PDE1C: variants seen among roughly 807,000 people sequenced by gnomAD.
The protein encoded by PDE1C is dual specificity calcium/calmodulin-dependent 3',5'-cyclic nucleotide phosphodiesterase 1C.
Under a neutral mutation model 93.1 loss-of-function variants are expected in PDE1C, and 62 were observed. That is an observed-to-expected ratio of 0.67 (90% CI 0.54 to 0.82). The LOEUF is 0.82. PDE1C is among the 40% of genes least tolerant of loss of function. The pLI is 0.00. For missense variants in PDE1C, 742 were observed against 884.6 expected (o/e 0.84, Z 2.04); for synonymous variants, 325 against 310.1 (o/e 1.05, Z -0.50).
At chr7:31,838,714 A>G (rs934213666) in intron 9 of PDE1C, among the ~76,000 whole-genome samples, 4 of 151,998 alleles carry the variant, frequency 2.6e-5, no homozygotes, top group African/African-American at 7.3e-5. Flanking sequence ...CCTGCCAATC[A>G]CTGATCTTTT....
chr7:32,275,551 A>C (rs1811223874), intron 1 of PDE1C, among the ~76,000 whole-genome samples: 1 of 152,156 alleles, frequency 6.6e-6, no homozygotes, highest in Admixed American at 6.5e-5. Flanking sequence ...ACATCAAACA[A>C]ATACCAGCAG....
At chr7:31,643,071 G>C in the PDE1C span, 2 of 1,613,992 alleles carry the variant, frequency 1.2e-6, no homozygotes, top group Non-Finnish European at 1.7e-6. Context: ...ATCCTCTGGG[G>C]TTTATGGTAA....
At chr7:31,714,349 TTTCA>T in the PDE1C span, among the ~76,000 whole-genome samples, 1 of 152,084 alleles carries the variant, frequency 6.6e-6, no homozygotes, top group African/African-American at 2.4e-5. Flanking sequence ...TTGGACTGGA[TTTCA>T]TTGTCTATAT....
At chr7:31,785,903 C>T (rs139839808) in intron 16 of PDE1C, 23 of 152,266 alleles carry the variant, frequency 1.5e-4, no homozygotes, top group Non-Finnish European at 2.9e-4. Context: ...GGAATATTGT[C>T]ATTGCTCATT....
chr7:31,716,225 ATT>A, the PDE1C span, among the ~76,000 whole-genome samples: 1 of 152,036 alleles, frequency 6.6e-6, no homozygotes, highest in Non-Finnish European at 1.5e-5. Flanking sequence ...TTCTCCTAAA[ATT>A]TTAGTATCTT....
chr7:32,154,764 G>C lies in PDE1C; in HGVS notation c.308+15021C>G, dbSNP rs1012001698. On this transcript the variant is annotated intron_variant, in intron 3 of 18. Coordinates refer to the PDE1C transcript ENST00000396193. Reference sequence around the variant, plus strand: ...AGTGGGCACCACTGTGGTCACAGCAGAGAAAGGGCTCTGGTGAGACCACAG... The same window carrying C: ...AGTGGGCACCACTGTGGTCACAGCACAGAAAGGGCTCTGGTGAGACCACAG... 8.5e-5 allele frequency among the ~76,000 whole-genome samples: 13 copies of C among 152,350 alleles called. No homozygotes were observed. The East Asian group carries it at 2.1e-3, about 25-fold the overall frequency.
the PDE1C span, chr7:31,652,125 T>C: frequency 1.9e-6 from 2 of 1,063,072 alleles, no homozygotes; most frequent in African/African-American, 3.2e-5. Flanking sequence ...AGAAACTTGA[T>C]TGTGCAATCA....
At chr7:32,174,312 A>C (rs78008556) in intron 2 of PDE1C, among the ~76,000 whole-genome samples, 1 of 152,188 alleles carries the variant, frequency 6.6e-6, no homozygotes, top group South Asian at 2.1e-4. Context: ...TCGCCCTAGA[A>C]ATGGAAAGAT....
the PDE1C span, among the ~76,000 whole-genome samples, chr7:31,681,658 G>A: frequency 1.3e-5 from 2 of 152,080 alleles, no homozygotes; most frequent in Non-Finnish European, 2.9e-5. Flanking sequence ...CATGCTGTCT[G>A]TTTTTCACAT....
chr7:31,696,282 T>C, the PDE1C span, among the ~76,000 whole-genome samples: 1 of 152,198 alleles, frequency 6.6e-6, no homozygotes, highest in South Asian at 2.1e-4. Flanking sequence ...ACCTTGAGGG[T>C]TGCAAAACAA....
At chr7:31,891,529 T>G (rs562409976) in intron 2 of PDE1C, among the ~76,000 whole-genome samples, 45 of 152,166 alleles carry the variant, frequency 3.0e-4, no homozygotes, top group Non-Finnish European at 2.8e-4. Context: ...CCAAGCATTT[T>G]GACAAAAATG....
chr7:32,060,218 G>T (rs1236895522), intron 1 of PDE1C, among the ~76,000 whole-genome samples: 2 of 152,148 alleles, frequency 1.3e-5, no homozygotes, highest in African/African-American at 2.4e-5. Context: ...AACAAAAACT[G>T]TAATCTTCTG....
At chr7:32,048,735 G>A (rs1353597976) in intron 2 of PDE1C, among the ~76,000 whole-genome samples, 1 of 152,142 alleles carries the variant, frequency 6.6e-6, no homozygotes, top group African/African-American at 2.4e-5. Flanking sequence ...AGGATGGCTT[G>A]TAATTCAATG....
the PDE1C span, among the ~76,000 whole-genome samples, chr7:31,679,850 G>T: frequency 6.6e-6 from 1 of 152,150 alleles, no homozygotes. Flanking sequence ...ATTAGGCTTG[G>T]TTCCTTTATT....
At chr7:31,681,386 T>TGGAG in the PDE1C span, among the ~76,000 whole-genome samples, 1 of 150,062 alleles carries the variant, frequency 6.7e-6, no homozygotes, top group Non-Finnish European at 1.5e-5. Context: ...GATGGATGGA[T>TGGAG]GGATGGATGG....
At chr7:31,652,844 G>A in the PDE1C span, 7 of 1,602,626 alleles carry the variant, frequency 4.4e-6, no homozygotes, top group Non-Finnish European at 6.0e-6. Context: ...GAGCAGGTTT[G>A]TTAACCTTCA....
the PDE1C span, among the ~76,000 whole-genome samples, chr7:31,715,436 G>A: frequency 9.9e-5 from 15 of 152,138 alleles, no homozygotes; most frequent in African/African-American, 1.7e-4. Flanking sequence ...ATGGGGTTTC[G>A]CCATATTGGC....
chr7:31,707,714 G>A, the PDE1C span: 1 of 164,288 alleles, frequency 6.1e-6, no homozygotes, highest in African/African-American at 2.4e-5. Flanking sequence ...CAGTTAGAGA[G>A]GTGAGAATGT....
At chr7:31,641,358 G>C in the PDE1C span, among the ~76,000 whole-genome samples, 6 of 151,996 alleles carry the variant, frequency 3.9e-5, no homozygotes, top group African/African-American at 7.3e-5. Context: ...GACAGACAAG[G>C]CTCCTCCCTC....
Sources: gnomAD v4.1 joint callset for allele counts (sites outside exome capture counted in the v4.1 genomes callset) on GRCh38, gnomAD v4.1.1 for gene constraint, MANE v1.5 for transcripts, NCBI Gene and HGNC (gene_info 2026-07-23, HGNC 2026-07-21) for gene names.